EPHA6: variants seen among roughly 807,000 people sequenced by gnomAD.
EPHA6 encodes the protein EPH receptor A6, also known as ephrin type-A receptor 6.
A neutral mutation model predicts 112.0 loss-of-function variants in EPHA6; 50 were observed. The observed-to-expected ratio is 0.45, with a 90% confidence interval of 0.36 to 0.56. The LOEUF (loss-of-function observed/expected upper bound fraction) is 0.56. Ranked by LOEUF, EPHA6 falls within the 20% of genes least tolerant of loss-of-function variation. The pLI, the probability that EPHA6 is intolerant of heterozygous loss-of-function variation, is 0.00. For missense variants in EPHA6, 1,280 were observed against 1,417.4 expected (o/e 0.90, Z 1.56); for synonymous variants, 529 against 490.7 (o/e 1.08, Z -1.03).
chr3:97,154,576 A>C (rs2076246456), intron 3 of EPHA6, among the ~76,000 whole-genome samples: 1 of 152,178 alleles, frequency 6.6e-6, no homozygotes, highest in Non-Finnish European at 1.5e-5. Flanking sequence ...GATCTCAAAA[A>C]TGTATTCCCT....
intron 11 of EPHA6, among the ~76,000 whole-genome samples, chr3:97,589,924 AACAG>A (rs1224294276): frequency 7.9e-5 from 12 of 152,218 alleles, no homozygotes; most frequent in Admixed American, 3.9e-4. Flanking sequence ...ATTGAAAGAA[AACAG>A]ACAGACAGAG....
At chr3:96,881,055 C>T (rs2037285015) in intron 2 of EPHA6, among the ~76,000 whole-genome samples, 1 of 152,114 alleles carries the variant, frequency 6.6e-6, no homozygotes, top group Non-Finnish European at 1.5e-5. Flanking sequence ...ATTTCTGGGT[C>T]ATATCCCAAT....
At chr3:97,371,410 G>A (rs2085045343) in intron 5 of EPHA6, among the ~76,000 whole-genome samples, 1 of 152,082 alleles carries the variant, frequency 6.6e-6, no homozygotes, top group Non-Finnish European at 1.5e-5. Context: ...TCTTACACCT[G>A]TCTTTACTGC....
At chr3:97,046,473 G>A (rs1444756084) in intron 3 of EPHA6, among the ~76,000 whole-genome samples, 3 of 152,090 alleles carry the variant, frequency 2.0e-5, no homozygotes, top group Non-Finnish European at 2.9e-5. Flanking sequence ...AAGTTTAGAA[G>A]AATTGAAAGA....
chr3:97,479,908 A>G (rs547091822), intron 9 of EPHA6, among the ~76,000 whole-genome samples: 6 of 152,280 alleles, frequency 3.9e-5, no homozygotes, highest in African/African-American at 1.4e-4. Flanking sequence ...AGCTGGTTTG[A>G]TAACTGACAA....
intron 11 of EPHA6, among the ~76,000 whole-genome samples, chr3:97,549,006 G>A (rs1231515099): frequency 6.6e-6 from 1 of 152,052 alleles, no homozygotes. Flanking sequence ...TGATGATGCT[G>A]GCATAAACAA....
chr3:97,492,074 T>G (rs1577562970), intron 10 of EPHA6, among the ~76,000 whole-genome samples: 1 of 151,972 alleles, frequency 6.6e-6, no homozygotes, highest in African/African-American at 2.4e-5. Flanking sequence ...AGCTGATAGA[T>G]TTTTTTTAAG....
chr3:97,291,428 C>A (rs912827001), intron 5 of EPHA6, among the ~76,000 whole-genome samples: 2 of 152,090 alleles, frequency 1.3e-5, no homozygotes, highest in Admixed American at 6.5e-5. Flanking sequence ...ATATGATCTG[C>A]CTAATGCTGA....
At chr3:97,552,779 T>G (rs1365849959) in intron 11 of EPHA6, among the ~76,000 whole-genome samples, 1 of 152,184 alleles carries the variant, frequency 6.6e-6, no homozygotes, top group Non-Finnish European at 1.5e-5. Context: ...ACAGAAATAA[T>G]AAAATACAAA....
intron 14 of EPHA6, among the ~76,000 whole-genome samples, chr3:97,688,159 A>T (rs1194664584): frequency 2.0e-5 from 3 of 152,190 alleles, no homozygotes; most frequent in African/African-American, 7.2e-5. Context: ...GTCTTCCCTG[A>T]TATGATCATT....
chr3:97,522,004 G>T (rs1487456253), intron 10 of EPHA6, among the ~76,000 whole-genome samples: 1 of 151,038 alleles, frequency 6.6e-6, no homozygotes, highest in East Asian at 1.9e-4. Context: ...GCTCACTGCA[G>T]CCTCAAACTC....
At chr3:97,262,152 T>A (rs1356215232) in intron 5 of EPHA6, among the ~76,000 whole-genome samples, 2 of 152,150 alleles carry the variant, frequency 1.3e-5, no homozygotes, top group Non-Finnish European at 2.9e-5. Context: ...CGATGAGCCA[T>A]CACAGTAAAT....
intron 3 of EPHA6, among the ~76,000 whole-genome samples, chr3:97,133,691 C>T (rs2075695155): frequency 6.6e-6 from 1 of 151,912 alleles, no homozygotes; most frequent in African/African-American, 2.4e-5. Context: ...TCTGGAATGG[C>T]ATAAAGGTGC....
intron 14 of EPHA6, among the ~76,000 whole-genome samples, chr3:97,643,317 G>A (rs934277371): frequency 4.6e-5 from 7 of 151,950 alleles, no homozygotes; most frequent in African/African-American, 1.7e-4. Context: ...GGAACAACCG[G>A]TACCAGCCAC....
intron 5 of EPHA6, among the ~76,000 whole-genome samples, chr3:97,337,833 T>A (rs990039315): frequency 6.6e-6 from 1 of 152,164 alleles, no homozygotes; most frequent in African/African-American, 2.4e-5. Context: ...ACAGTAATCA[T>A]ATTTATACCA....
At chr3:97,636,060 T>C (rs967052271) in intron 13 of EPHA6, among the ~76,000 whole-genome samples, 1 of 152,104 alleles carries the variant, frequency 6.6e-6, no homozygotes, top group Non-Finnish European at 1.5e-5. Flanking sequence ...CTGTGCTGTC[T>C]GCTTTATATG....
At chr3:97,579,108 A>C (rs2093414642) in intron 11 of EPHA6, among the ~76,000 whole-genome samples, 1 of 152,336 alleles carries the variant, frequency 6.6e-6, no homozygotes, top group Admixed American at 6.5e-5. Flanking sequence ...ATCTATACTT[A>C]AATACAAACT....
chr3:97,253,356 A>G (rs923577137), intron 5 of EPHA6, among the ~76,000 whole-genome samples: 1 of 152,200 alleles, frequency 6.6e-6, no homozygotes, highest in Non-Finnish European at 1.5e-5. Flanking sequence ...ACAGAAAAAC[A>G]AATTGAAAGA....
intron 5 of EPHA6, among the ~76,000 whole-genome samples, chr3:97,375,083 C>T (rs943597839): frequency 6.6e-6 from 1 of 152,036 alleles, no homozygotes; most frequent in Admixed American, 6.6e-5. Context: ...CTATTTTTTC[C>T]TATTTCTCCA....
Sources: gnomAD v4.1 joint callset for allele counts (sites outside exome capture counted in the v4.1 genomes callset) on GRCh38, gnomAD v4.1.1 for gene constraint, MANE v1.5 for transcripts, NCBI Gene and HGNC (gene_info 2026-07-23, HGNC 2026-07-21) for gene names.